Variants in MAGI1 observed in about 807,000 individuals in gnomAD.
MAGI1 encodes the protein membrane-associated guanylate kinase, WW and PDZ domain-containing protein 1.
Under a neutral mutation model 139.9 loss-of-function variants are expected in MAGI1, and 58 were observed. The ratio of observed to expected loss-of-function variants is 0.41; its 90% CI spans 0.34 to 0.52. MAGI1 has a LOEUF of 0.52. Among genes scored for constraint, MAGI1 ranks in the 20% least tolerant of loss-of-function variants. The probability of loss-of-function intolerance (pLI) is 0.12; values close to 1 mark genes in which losing one functional copy is unlikely to be tolerated. For missense variants in MAGI1, 1,874 were observed against 1,901.6 expected (o/e 0.99, Z 0.27); for synonymous variants, 812 against 737.9 (o/e 1.10, Z -1.63).
chr3:66,008,382 T>C (rs2067142573), intron 1 of MAGI1, among the ~76,000 whole-genome samples: 1 of 152,026 alleles, frequency 6.6e-6, no homozygotes, highest in African/African-American at 2.4e-5. Flanking sequence ...AACCGAGAGA[T>C]TTCAATCTTT....
At chr3:66,002,662 C>A (rs1337520130) in intron 1 of MAGI1, among the ~76,000 whole-genome samples, 1 of 151,996 alleles carries the variant, frequency 6.6e-6, no homozygotes, top group East Asian at 1.9e-4. Context: ...TCACAGGCAC[C>A]CGCCACCACA....
chr3:65,721,381 G>A (rs1270901809), intron 1 of MAGI1, among the ~76,000 whole-genome samples: 2 of 152,150 alleles, frequency 1.3e-5, no homozygotes, highest in African/African-American at 4.8e-5. Flanking sequence ...ATGCATTTGA[G>A]AGTAAAAGGG....
At chr3:65,901,718 A>G (rs1031654935) in intron 1 of MAGI1, among the ~76,000 whole-genome samples, 5 of 152,198 alleles carry the variant, frequency 3.3e-5, no homozygotes, top group African/African-American at 1.2e-4. Flanking sequence ...CAATCCCCAG[A>G]TTCTGCGAAA....
intron 1 of MAGI1, among the ~76,000 whole-genome samples, chr3:65,911,653 A>AC (rs568822919): frequency 6.6e-6 from 1 of 152,164 alleles, no homozygotes; most frequent in Non-Finnish European, 1.5e-5. Flanking sequence ...TCAAAGCCAC[A>AC]CCCCAACAGC....
At chr3:65,832,940 T>C (rs1284150090) in intron 1 of MAGI1, among the ~76,000 whole-genome samples, 1 of 152,220 alleles carries the variant, frequency 6.6e-6, no homozygotes, top group East Asian at 1.9e-4. Context: ...AGATTAAATA[T>C]GCATTCTTAC....
intron 1 of MAGI1, among the ~76,000 whole-genome samples, chr3:65,969,354 T>TG (rs1197731534): frequency 6.6e-6 from 1 of 152,198 alleles, no homozygotes; most frequent in Admixed American, 6.5e-5. Flanking sequence ...TGTTAGGGGC[T>TG]GGGGGGTGGC....
At chr3:66,021,453 C>G (rs1005775651) in intron 1 of MAGI1, among the ~76,000 whole-genome samples, 1 of 152,192 alleles carries the variant, frequency 6.6e-6, no homozygotes, top group Non-Finnish European at 1.5e-5. Flanking sequence ...GAAGAACTTG[C>G]AGCTCAAATA....
intron 1 of MAGI1, among the ~76,000 whole-genome samples, chr3:65,701,678 C>T (rs1386753809): frequency 3.9e-5 from 6 of 152,016 alleles, no homozygotes; most frequent in African/African-American, 7.2e-5. Context: ...AAAGATGTGA[C>T]TAGGAAGAGC....
At chr3:65,721,131 G>C (rs2032965387) in intron 1 of MAGI1, among the ~76,000 whole-genome samples, 1 of 152,140 alleles carries the variant, frequency 6.6e-6, no homozygotes, top group African/African-American at 2.4e-5. Context: ...AGTTCCAGAG[G>C]TAGTGAGACC....
chr3:65,545,825 C>A (rs1223815800), intron 2 of MAGI1, among the ~76,000 whole-genome samples: 1 of 151,974 alleles, frequency 6.6e-6, no homozygotes, highest in Non-Finnish European at 1.5e-5. Flanking sequence ...GGCACTTAGC[C>A]ATGGCGAGAA....
intron 1 of MAGI1, among the ~76,000 whole-genome samples, chr3:65,952,222 G>C (rs568014890): frequency 2.6e-5 from 4 of 152,306 alleles, no homozygotes; most frequent in Admixed American, 2.0e-4. Context: ...AATGCCTGAT[G>C]AATCTGTGTG....
intron 1 of MAGI1, among the ~76,000 whole-genome samples, chr3:65,684,948 G>A (rs1303530533): frequency 1.4e-5 from 2 of 146,982 alleles, no homozygotes; most frequent in Admixed American, 1.4e-4. Context: ...GAACTCCTGG[G>A]CTCAAGTGAT....
chr3:65,413,876 A>C (rs1945988285), intron 12 of MAGI1, among the ~76,000 whole-genome samples: 1 of 152,204 alleles, frequency 6.6e-6, no homozygotes, highest in Non-Finnish European at 1.5e-5. Flanking sequence ...AAGAACTGTG[A>C]GGCCGTTTAA....
At chr3:65,688,638 T>C (rs1203467827) in intron 1 of MAGI1, among the ~76,000 whole-genome samples, 1 of 152,164 alleles carries the variant, frequency 6.6e-6, no homozygotes, top group Non-Finnish European at 1.5e-5. Flanking sequence ...GGTTTTGACA[T>C]TGGCTTAGCA....
intron 2 of MAGI1, among the ~76,000 whole-genome samples, chr3:65,561,503 T>C (rs1480714112): frequency 6.6e-6 from 1 of 152,076 alleles, no homozygotes; most frequent in African/African-American, 2.4e-5. Flanking sequence ...TCCTGAAGTG[T>C]TCAGGAACAA....
At chr3:65,521,182 T>TCTA (rs10662071) in intron 2 of MAGI1, among the ~76,000 whole-genome samples, 2,468 of 152,270 alleles carry the variant, frequency 0.016, 72 homozygotes, top group African/African-American at 0.056. Flanking sequence ...AGATCTCTGT[T>TCTA]AGAGATACTA....
chr3:65,356,738 G>C lies in MAGI1; in HGVS notation c.4029C>G (p.His1343Gln). 2 of 1,596,182 alleles carry C rather than the reference G, an allele frequency of 1.3e-6. No individual in the cohort carries two copies. Among genetic ancestry groups the C allele is most frequent in the East Asian group, 2.2e-5 (1 of 44,684 alleles). ...CCGGAGAGACGTCTCGTCTCTTCTC[G>C]TGCTTCTCCCTCCTCTCCAAAGTGT... is the stretch of plus-strand genomic sequence containing the variant. Reference protein sequence around the residue: ...ADNTLERREKHEKRRDVSPER... With the variant: ...ADNTLERREKQEKRRDVSPER... The change falls in exon 23 of 23, where the codon CAC (histidine) becomes CAG (glutamine). Residue 1343 changes from histidine (H) to glutamine (Q), a missense_variant. Transcript: ENST00000402939.
chr3:65,577,136 A>G (rs1458610539), intron 2 of MAGI1, among the ~76,000 whole-genome samples: 2 of 152,172 alleles, frequency 1.3e-5, no homozygotes, highest in Admixed American at 1.3e-4. Flanking sequence ...TTGGAGTTAC[A>G]TTTTACTCAG....
chr3:65,373,314 A>G (rs1407613600), intron 18 of MAGI1, among the ~76,000 whole-genome samples: 1 of 152,214 alleles, frequency 6.6e-6, no homozygotes, highest in Non-Finnish European at 1.5e-5. Context: ...TGGAGCAGTC[A>G]GAACACATAT....
Sources: allele counts gnomAD v4.1 joint callset (sites outside exome capture counted in the v4.1 genomes callset), GRCh38; gene constraint gnomAD v4.1.1; transcripts MANE v1.5; gene names NCBI Gene and HGNC (gene_info 2026-07-23, HGNC 2026-07-21).